MRPL48: variants seen among roughly 807,000 people sequenced by gnomAD.
The protein encoded by MRPL48 is large ribosomal subunit protein mL48.
MRPL48 carries 16 observed loss-of-function variants against 32.9 expected under a neutral mutation model. The ratio of observed to expected loss-of-function variants is 0.49; its 90% CI spans 0.33 to 0.74. MRPL48 has a LOEUF of 0.74. Among genes scored for constraint, MRPL48 ranks in the 30% least tolerant of loss-of-function variants. MRPL48 has a pLI of 0.02. For synonymous variants in MRPL48, 94 were observed against 89.2 expected (o/e 1.05, Z -0.31); for missense variants, 206 against 245.3 (o/e 0.84, Z 1.07).
chr11:73,816,058 A>ATATT lies in MRPL48; in HGVS notation c.112+7726_112+7729dup, dbSNP rs567362607. Among the ~76,000 whole-genome samples, 183 of 148,506 alleles carry ATATT rather than the reference A, an allele frequency of 1.2e-3. 1 individual carries two copies. Among genetic ancestry groups the ATATT allele is most frequent in the South Asian group, 5.8e-3 (27 of 4,682 alleles). ...ACTTTTTATTTTTTTATTTTATTTT[A>ATATT]TATTTATTTATTTATTTATTTGAGA... On this transcript the variant is annotated intron_variant, in intron 3 of 7. Coordinates refer to ENST00000310614, the MANE Select transcript of MRPL48 (RefSeq NM_016055.6).
At chr11:73,825,252 A>C (rs1400135847) in intron 3 of MRPL48, among the ~76,000 whole-genome samples, 1 of 150,802 alleles carries the variant, frequency 6.6e-6, no homozygotes, top group Non-Finnish European at 1.5e-5. Flanking sequence ...GATTACTTTT[A>C]AAAATCCTTA....
At chr11:73,860,169 C>T (rs1948561254) in intron 6 of MRPL48, 160 bp downstream of exon 6, 1 of 576,452 alleles carries the variant, frequency 1.7e-6, no homozygotes, top group East Asian at 3.0e-5. Flanking sequence ...ATAATACCTT[C>T]CCCCTATGCA....
chr11:73,854,411 G>C (rs746212301), intron 5 of MRPL48, among the ~76,000 whole-genome samples: 1 of 152,168 alleles, frequency 6.6e-6, no homozygotes, highest in Non-Finnish European at 1.5e-5. Context: ...AGCTTCCTGA[G>C]TAGCTGGGAC....
intron 6 of MRPL48, among the ~76,000 whole-genome samples, chr11:73,862,058 C>T (rs1267966478): frequency 6.6e-6 from 1 of 152,140 alleles, no homozygotes; most frequent in South Asian, 2.1e-4. Flanking sequence ...GAGAACAAGG[C>T]GGGCGGATCA....
In MRPL48 at chr11:73,812,740, ATT is replaced by A. The variant is rs10687099; in HGVS notation, c.112+4392_112+4393del. Among the ~76,000 whole-genome samples, 694 of 132,430 alleles carry A rather than the reference ATT, an allele frequency of 5.2e-3. 8 individuals carry two copies. Among genetic ancestry groups the A allele is most frequent in the African/African-American group, 0.018 (627 of 34,388 alleles). 86.9% of individuals were successfully genotyped at this position (132,430 alleles called of 152,430 possible). On this transcript the variant is annotated intron_variant, in intron 3 of 7. Coordinates refer to ENST00000310614, the MANE Select transcript of MRPL48 (RefSeq NM_016055.6). ...TAAATATATATATATATATATATAT[ATT>A]TATTTATTTATTTTTTATTGTTTTT...
At chr11:73,849,844 T>A (rs1452526585) in intron 5 of MRPL48, among the ~76,000 whole-genome samples, 1 of 152,220 alleles carries the variant, frequency 6.6e-6, no homozygotes, top group African/African-American at 2.4e-5. Context: ...ACACCTGTAA[T>A]CCCAGTACTT....
At chr11:73,807,296 T>C (rs1263558669) in intron 2 of MRPL48, among the ~76,000 whole-genome samples, 2 of 152,226 alleles carry the variant, frequency 1.3e-5, no homozygotes, top group Non-Finnish European at 2.9e-5. Flanking sequence ...ATTGTACATC[T>C]TCCCGAACTA....
intron 5 of MRPL48, among the ~76,000 whole-genome samples, chr11:73,856,520 G>A (rs1300314287): frequency 6.6e-6 from 1 of 152,170 alleles, no homozygotes; most frequent in African/African-American, 2.4e-5. Context: ...TTGCTGAGCA[G>A]CTGCCTGAGG....
intron 1 of MRPL48, among the ~76,000 whole-genome samples, chr11:73,794,926 T>C (rs1466113087): frequency 2.0e-5 from 3 of 150,980 alleles, no homozygotes; most frequent in African/African-American, 7.3e-5. Context: ...TTTTTTTTTT[T>C]TGGAGATGGA....
intron 5 of MRPL48, 127 bp from the exon 6 acceptor site, chr11:73,859,780 C>A: frequency 1.4e-6 from 1 of 689,726 alleles, no homozygotes; most frequent in Non-Finnish European, 2.4e-6. Context: ...CTCCTGGTTG[C>A]AGATAAGCAT....
chr11:73,853,596 C>T (rs1316181070), intron 5 of MRPL48, among the ~76,000 whole-genome samples: 1 of 151,052 alleles, frequency 6.6e-6, no homozygotes, highest in Non-Finnish European at 1.5e-5. Context: ...CAGACACTGG[C>T]ACATTGTAAA....
chr11:73,837,085 G>A (rs7104396), intron 4 of MRPL48, among the ~76,000 whole-genome samples: 17 of 152,154 alleles, frequency 1.1e-4, no homozygotes, highest in Non-Finnish European at 1.9e-4. Flanking sequence ...TCAAATCCTC[G>A]GGTGTAAATT....
chr11:73,822,568 C>T (rs1459473431), intron 3 of MRPL48, among the ~76,000 whole-genome samples: 1 of 152,148 alleles, frequency 6.6e-6, no homozygotes, highest in East Asian at 1.9e-4. Flanking sequence ...GATGAAATAG[C>T]GTGGATTGTA....
chr11:73,807,931 G>A (rs184565755), intron 2 of MRPL48, among the ~76,000 whole-genome samples: 2 of 152,238 alleles, frequency 1.3e-5, no homozygotes, highest in East Asian at 1.9e-4. Flanking sequence ...GAGCCGCTGC[G>A]CCCGGCCACT....
At chr11:73,862,252 A>G (rs959868607) in intron 6 of MRPL48, among the ~76,000 whole-genome samples, 7 of 152,100 alleles carry the variant, frequency 4.6e-5, no homozygotes, top group African/African-American at 1.4e-4. Flanking sequence ...AAGAAACCCC[A>G]TCTCTACTAA....
intron 1 of MRPL48, among the ~76,000 whole-genome samples, chr11:73,802,521 C>T (rs572307199): frequency 3.3e-5 from 5 of 152,174 alleles, no homozygotes; most frequent in Non-Finnish European, 5.9e-5. Flanking sequence ...GACTTCCTTT[C>T]TCCATAGATT....
chr11:73,825,542 G>A (rs961039609), intron 3 of MRPL48, among the ~76,000 whole-genome samples, 166 bp from the exon 4 acceptor site: 4 of 151,918 alleles, frequency 2.6e-5, no homozygotes, highest in Non-Finnish European at 5.9e-5. Context: ...GGAGGGGGGT[G>A]TGGGCTGAGG....
intron 5 of MRPL48, among the ~76,000 whole-genome samples, chr11:73,848,201 C>T (rs749086550): frequency 6.6e-6 from 1 of 151,038 alleles, no homozygotes; most frequent in Non-Finnish European, 1.5e-5. Flanking sequence ...TATGAATATT[C>T]AGTTGTTTCC....
chr11:73,828,570 C>T (rs1947941454), intron 4 of MRPL48, among the ~76,000 whole-genome samples: 2 of 152,076 alleles, frequency 1.3e-5, no homozygotes, highest in South Asian at 4.1e-4. Flanking sequence ...ATGGTTCATT[C>T]TCAGAGGGAG....
Sources: allele counts gnomAD v4.1 joint callset (sites outside exome capture counted in the v4.1 genomes callset), GRCh38; gene constraint gnomAD v4.1.1; transcripts MANE v1.5; gene names NCBI Gene and HGNC (gene_info 2026-07-23, HGNC 2026-07-21).